ANKRD11: variants seen among roughly 807,000 people sequenced by gnomAD.
ANKRD11 encodes the protein ankyrin repeat domain-containing protein 11.
In ANKRD11, 17 loss-of-function variants were observed where a neutral mutation model predicts 195.7. The observed-to-expected ratio is 0.09, with a 90% CI of 0.06 to 0.13. The LOEUF (loss-of-function observed/expected upper bound fraction) is 0.13. Ranked by LOEUF, ANKRD11 falls within the 10% of genes least tolerant of loss-of-function variation. The pLI, the probability that ANKRD11 is intolerant of heterozygous loss-of-function variation, is 1.00. For missense variants in ANKRD11, 3,735 were observed against 3,566.1 expected, an observed-to-expected ratio of 1.05 and a Z score of -1.21; for synonymous variants, 1,953 against 1,528.1, an observed-to-expected ratio of 1.28 and a Z score of -6.49.
intron 1 of ANKRD11, among the ~76,000 whole-genome samples, chr16:89,419,232 ACTT>A (rs1262655131): frequency 1.3e-5 from 2 of 151,836 alleles, no homozygotes. Context: ...TGGGCGGATC[ACTT>A]GAGGTCATGA....
At chr16:89,410,410 A>G (rs1445724473) in intron 2 of ANKRD11, among the ~76,000 whole-genome samples, 1 of 152,216 alleles carries the variant, frequency 6.6e-6, no homozygotes, top group Non-Finnish European at 1.5e-5. Context: ...ATAAACAGAA[A>G]AAGACTCATG....
At chr16:89,362,941 C>T (rs1228058341) in intron 2 of ANKRD11, among the ~76,000 whole-genome samples, 5 of 151,906 alleles carry the variant, frequency 3.3e-5, no homozygotes, top group Admixed American at 1.3e-4. Context: ...CAATGGAAAC[C>T]GGACACAGCA....
chr16:89,388,514 ACG>A (rs1241261591), intron 2 of ANKRD11, among the ~76,000 whole-genome samples: 2 of 151,982 alleles, frequency 1.3e-5, no homozygotes, highest in Non-Finnish European at 2.9e-5. Flanking sequence ...GTGCTGTCGA[ACG>A]CACACACGTC....
chr16:89,385,749 C>T (rs540989239), intron 2 of ANKRD11, among the ~76,000 whole-genome samples: 5 of 152,386 alleles, frequency 3.3e-5, no homozygotes, highest in East Asian at 3.9e-4. Flanking sequence ...TCACGTCTGA[C>T]GACAGAAGGC....
chr16:89,277,233 T>TG (rs1358002541), intron 9 of ANKRD11, among the ~76,000 whole-genome samples: 3 of 152,120 alleles, frequency 2.0e-5, no homozygotes, highest in Non-Finnish European at 4.4e-5. Context: ...GTGGGACTGA[T>TG]GCGAGCTCAA....
intron 2 of ANKRD11, among the ~76,000 whole-genome samples, chr16:89,406,737 G>T (rs75393733): frequency 6.6e-6 from 1 of 152,188 alleles, no homozygotes; most frequent in African/African-American, 2.4e-5. Flanking sequence ...CCTCCTTCAC[G>T]CTGATAAGCG....
intron 1 of ANKRD11, among the ~76,000 whole-genome samples, chr16:89,455,808 G>C (rs902906732): frequency 2.0e-5 from 3 of 152,128 alleles, no homozygotes; most frequent in African/African-American, 7.2e-5. Context: ...AGCTGTTGTT[G>C]AAATACTTTG....
intron 2 of ANKRD11, among the ~76,000 whole-genome samples, chr16:89,337,935 C>A (rs1050593593): frequency 1.3e-5 from 2 of 152,220 alleles, no homozygotes; most frequent in Admixed American, 1.3e-4. Flanking sequence ...GCTGCAAGCA[C>A]CTGCTGAGCA....
intron 4 of ANKRD11, chr16:89,300,046 G>C (rs1480862690): frequency 1.0e-5 from 2 of 193,812 alleles, no homozygotes; most frequent in African/African-American, 6.1e-5. Context: ...TCTGTGCCCT[G>C]TGTGAGGTGC....
chr16:89,459,377 C>T (rs1018526161), intron 1 of ANKRD11: 3 of 152,354 alleles, frequency 2.0e-5, no homozygotes, highest in Non-Finnish European at 4.4e-5. Context: ...GTCAATAAAA[C>T]GGATGCTTCT....
rs1406980325 is a variant in ANKRD11, at chr16:89,282,478, G to C, written c.4064C>G (p.Ser1355Cys). The change falls in exon 9 of 13, where the codon TCT (serine) becomes TGT (cysteine). Residue 1355 changes from serine to cysteine, a missense_variant. Physicochemically the swap from Ser to Cys is moderately radical, Grantham distance 112. Transcript: ENST00000301030. ...KEKERHRHSS[S>C]SSKKSHDRER... ...TCGGTCGTGGCTCTTCTTGGATGAA[G>C]ATGAGGAGTGTCTGTGCCTCTCCTT... 1 of 1,613,954 alleles carries C rather than the reference G, an allele frequency of 6.2e-7. No homozygotes were observed.
chr16:89,282,298 T>C lies in ANKRD11; in HGVS notation c.4244A>G (p.Glu1415Gly), dbSNP rs756014125. 4 of 1,614,234 alleles carry C rather than the reference T, an allele frequency of 2.5e-6. No individual in the cohort carries two copies. Among genetic ancestry groups the C allele is most frequent in the Non-Finnish European group, 3.4e-6 (4 of 1,180,058 alleles). The change falls in exon 9 of 13, where the codon GAG becomes GGG. Residue 1415 changes from glutamate (E) to glycine (G), a missense_variant. By Grantham distance (98) the Glu-to-Gly change is moderately conservative (BLOSUM62 -2). Coordinates refer to ENST00000301030, the MANE Select transcript of ANKRD11 (RefSeq NM_013275.6). ...AAACAATTCAATGGTTTTATCTAGCTCATCTTCTATGTCAGCTTTCATGTT... is the reference window on the plus strand; with the variant it reads ...AAACAATTCAATGGTTTTATCTAGCCCATCTTCTATGTCAGCTTTCATGTT... The part of the protein sequence containing the change: ...SYNMKADIED[E>G]LDKTIELFST...
chr16:89,404,168 G>A (rs2041816076), intron 2 of ANKRD11, among the ~76,000 whole-genome samples: 1 of 152,196 alleles, frequency 6.6e-6, no homozygotes, highest in East Asian at 1.9e-4. Flanking sequence ...ACAGCCCACA[G>A]GTGGCTCGAC....
At chr16:89,411,812 AAG>A (rs1274328547) in intron 2 of ANKRD11, among the ~76,000 whole-genome samples, 2 of 152,218 alleles carry the variant, frequency 1.3e-5, no homozygotes, top group African/African-American at 4.8e-5. Flanking sequence ...TGGGGAAAAA[AAG>A]AGACTAGAAT....
chr16:89,357,660 G>C (rs1266766679), intron 2 of ANKRD11, among the ~76,000 whole-genome samples: 1 of 152,216 alleles, frequency 6.6e-6, no homozygotes, highest in African/African-American at 2.4e-5. Flanking sequence ...TCTGCACACA[G>C]CATAACGCGA....
At chr16:89,405,939 G>A (rs1261998888) in intron 2 of ANKRD11, among the ~76,000 whole-genome samples, 3 of 151,880 alleles carry the variant, frequency 2.0e-5, no homozygotes, top group Non-Finnish European at 2.9e-5. Context: ...GTAAAGCCCC[G>A]TCTCTACTAA....
chr16:89,340,343 T>C (rs1419596438), intron 2 of ANKRD11, among the ~76,000 whole-genome samples: 1 of 152,256 alleles, frequency 6.6e-6, no homozygotes, highest in Non-Finnish European at 1.5e-5. Context: ...AGTGGCACCA[T>C]CTCGGCTCAC....
In ANKRD11 at chr16:89,393,200, C is replaced by A. The variant is rs77975007; in HGVS notation, c.-60+25084G>T. ...CATCATAAATACCTTGAGAGCACGA[C>A]GCCAGCCTCATTCACCTGTTCCCAC... On this transcript the variant is annotated intron_variant, in intron 2 of 12. Transcript: ENST00000301030. Among the ~76,000 whole-genome samples the A allele has an allele frequency of 4.0e-3, 604 of 152,256 alleles. 2 individuals carry two copies. The highest frequency in any genetic ancestry group is 0.014 in the African/African-American group (580 of 41,538).
intron 2 of ANKRD11, among the ~76,000 whole-genome samples, chr16:89,337,159 C>A (rs2038405171): frequency 6.6e-6 from 1 of 152,018 alleles, no homozygotes; most frequent in Non-Finnish European, 1.5e-5. Context: ...CTACTCCACC[C>A]TGGGCAACAG....
Sources: gnomAD v4.1 joint callset for allele counts (sites outside exome capture counted in the v4.1 genomes callset) on GRCh38, gnomAD v4.1.1 for gene constraint, MANE v1.5 for transcripts, NCBI Gene and HGNC (gene_info 2026-07-23, HGNC 2026-07-21) for gene names.